ZNF568: variants seen among roughly 807,000 people sequenced by gnomAD.
ZNF568 encodes the protein zinc finger protein 568.
In ZNF568, 11 loss-of-function variants were observed where a neutral mutation model predicts 18.1. That is an observed-to-expected ratio of 0.61 (90% CI 0.38 to 1.00). The LOEUF is 1.00. ZNF568 is among the 50% of genes least tolerant of loss of function. The probability of loss-of-function intolerance (pLI) is 0.01; values close to 1 mark genes in which losing one functional copy is unlikely to be tolerated. For missense variants in ZNF568, 639 were observed against 768.2 expected (o/e 0.83, Z 1.99); for synonymous variants, 213 against 246.6 (o/e 0.86, Z 1.28).
chr19:36,925,693 G>A (rs1264941531), intron 4 of ZNF568, among the ~76,000 whole-genome samples: 1 of 151,926 alleles, frequency 6.6e-6, no homozygotes, highest in Non-Finnish European at 1.5e-5. Flanking sequence ...AAAAAAAATG[G>A]GTGGTTGTAT....
intron 3 of ZNF568, among the ~76,000 whole-genome samples, chr19:36,923,503 A>G (rs1393680643): frequency 6.6e-6 from 1 of 151,782 alleles, no homozygotes; most frequent in Non-Finnish European, 1.5e-5. Context: ...AGACGAAGGA[A>G]GTGAGCATGT....
chr19:36,957,443 G>T (rs187866687), downstream of ZNF568, among the ~76,000 whole-genome samples: 2 of 152,046 alleles, frequency 1.3e-5, no homozygotes, highest in East Asian at 3.9e-4. Flanking sequence ...TGTTGGCCAG[G>T]CTGGTCTTGA....
At position 36,949,096 on chromosome 19, in the gene ZNF568, A is replaced by T. The variant is rs1056558392; in HGVS notation, c.359-416A>T. 5.9e-5 allele frequency among the ~76,000 whole-genome samples: 9 copies of T among 152,014 alleles called. No homozygotes were observed. In the South Asian group the frequency reaches 1.9e-3, roughly 32 times the overall value. ...TTTAACCCTTTATTCCTTCACTATCATTTTAATGGCATTTTAGGAAGGAGG... is the reference window on the plus strand; with the variant it reads ...TTTAACCCTTTATTCCTTCACTATCTTTTTAATGGCATTTTAGGAAGGAGG... On this transcript the variant is annotated intron_variant, in intron 6 of 6. Transcript: ENST00000333987.
intron 7 of ZNF568, among the ~76,000 whole-genome samples, chr19:36,976,906 G>A (rs1009889141): frequency 4.0e-5 from 6 of 151,196 alleles, no homozygotes; most frequent in Non-Finnish European, 7.4e-5. Flanking sequence ...GCAAAACTCC[G>A]TCTAAGAAAA....
Position 36,950,220 on chromosome 19 carries a change from A to T in ZNF568, c.1067A>T (p.His356Leu). The change falls in exon 7 of 7, where the codon CAT (histidine) becomes CTT (leucine). Residue 356 changes from histidine to leucine, a missense_variant. Coordinates refer to ENST00000333987, the MANE Select transcript of ZNF568 (RefSeq NM_198539.4). The part of the protein sequence containing the change: ...KQNLIEHEKI[H>L]TGEKPYACNE... The stretch of plus-strand genomic sequence containing the variant: ...AATCTTATTGAGCACGAGAAAATTC[A>T]TACTGGGGAGAAACCTTATGCATGT... 1 of 1,613,874 alleles carries T rather than the reference A, an allele frequency of 6.2e-7. No individual in the cohort carries two copies. Among genetic ancestry groups the T allele is most frequent in the Non-Finnish European group, 8.5e-7 (1 of 1,179,826 alleles).
downstream of ZNF568, among the ~76,000 whole-genome samples, chr19:36,956,967 G>A (rs2074111674): frequency 6.6e-6 from 1 of 152,044 alleles, no homozygotes; most frequent in Non-Finnish European, 1.5e-5. Context: ...AAATTTTTAT[G>A]AAATTATTTT....
At chr19:36,939,170 T>C (rs1452633399) in intron 6 of ZNF568, among the ~76,000 whole-genome samples, 1 of 152,214 alleles carries the variant, frequency 6.6e-6, no homozygotes, top group Non-Finnish European at 1.5e-5. Context: ...ATACTTCCTC[T>C]AGAACTCAGT....
At chr19:36,996,402 A>G in exon 5 of ZNF568, 1 of 1,536,354 alleles carries the variant, frequency 6.5e-7, no homozygotes, top group Non-Finnish European at 8.7e-7. Flanking sequence ...AGAAGGCCAG[A>G]GTTATCAGAG....
At chr19:36,930,961 C>T (rs1306505597) in intron 4 of ZNF568, among the ~76,000 whole-genome samples, 2 of 152,134 alleles carry the variant, frequency 1.3e-5, no homozygotes, top group Admixed American at 6.5e-5. Context: ...ATGTGTCAGT[C>T]ACATGTCTGT....
intron 4 of ZNF568, among the ~76,000 whole-genome samples, chr19:36,930,460 C>T (rs937090259): frequency 2.6e-5 from 4 of 152,070 alleles, no homozygotes; most frequent in African/African-American, 7.2e-5. Context: ...CCGCCCGCCT[C>T]GGCCTCCCAA....
chr19:36,939,357 G>A (rs978337418), intron 6 of ZNF568, among the ~76,000 whole-genome samples: 1 of 151,980 alleles, frequency 6.6e-6, no homozygotes, highest in Non-Finnish European at 1.5e-5. Context: ...GCCCACAAGG[G>A]GGTGCCTCTG....
chr19:36,983,911 T>TTTTTG (rs1300895800), downstream of ZNF568, among the ~76,000 whole-genome samples: 9 of 144,512 alleles, frequency 6.2e-5, no homozygotes, highest in African/African-American at 2.1e-4. Flanking sequence ...TTTTTTTTTT[T>TTTTTG]TTGTTGAGAC....
chr19:36,980,684 G>A (rs1364235252), downstream of ZNF568, among the ~76,000 whole-genome samples: 1 of 152,186 alleles, frequency 6.6e-6, no homozygotes, highest in African/African-American at 2.4e-5. Context: ...TACCCTCCCA[G>A]TATTGATGTT....
Position 36,918,839 on chromosome 19 carries a change from T to C in ZNF568, c.-186+1191T>C, listed in dbSNP as rs148717067. 7.0e-4 allele frequency among the ~76,000 whole-genome samples: 106 copies of C among 152,316 alleles called. 1 individual carries two copies. In the East Asian group the frequency reaches 0.016, roughly 23 times the overall value. On this transcript the variant is annotated intron_variant, in intron 2 of 6. Transcript: ENST00000333987. ...GGCATCTACCATTCTACTTTCTGTC[T>C]CTGAATTTGACTATTCTAAATACTT...
chr19:36,965,592 T>A (rs1020467391), intron 6 of ZNF568, among the ~76,000 whole-genome samples: 1 of 152,054 alleles, frequency 6.6e-6, no homozygotes, highest in African/African-American at 2.4e-5. Flanking sequence ...TGGAATAGAT[T>A]TTTTTTCTTG....
chr19:36,922,837 G>C lies in ZNF568; in HGVS notation c.67G>C (p.Glu23Gln). ...VTMERLSHMM[E>Q]RKAWCSQESA... is the part of the protein sequence containing the mutation. Reference sequence around the variant, plus strand: ...AATGGAGCGTTTGAGCCACATGATGGAAAGGAAAGGTGAGGTGGCTCATAG... The same window carrying C: ...AATGGAGCGTTTGAGCCACATGATGCAAAGGAAAGGTGAGGTGGCTCATAG... The change falls in exon 3 of 7, where the codon GAA (glutamate) becomes CAA (glutamine). Residue 23 changes from glutamate (E) to glutamine (Q), a missense_variant. Transcript: ENST00000333987. The C allele has an allele frequency of 1.9e-6, 3 of 1,614,002 alleles. No homozygotes were observed. Among genetic ancestry groups the C allele is most frequent in the Non-Finnish European group, 2.5e-6 (3 of 1,179,918 alleles).
chr19:36,930,456 G>T (rs984863043), intron 4 of ZNF568, among the ~76,000 whole-genome samples: 1 of 151,970 alleles, frequency 6.6e-6, no homozygotes, highest in Non-Finnish European at 1.5e-5. Flanking sequence ...TGATCCGCCC[G>T]CCTCGGCCTC....
chr19:36,936,354 T>C (rs2073789815), intron 4 of ZNF568, among the ~76,000 whole-genome samples: 4 of 152,240 alleles, frequency 2.6e-5, no homozygotes, highest in Admixed American at 1.3e-4. Flanking sequence ...ATATGTATTA[T>C]GTTTATTATA....
chr19:36,930,439 G>A (rs1600782120), intron 4 of ZNF568, among the ~76,000 whole-genome samples: 1 of 152,162 alleles, frequency 6.6e-6, no homozygotes. Context: ...TCGATCTCCT[G>A]ACCTCGTGAT....
Sources: gnomAD v4.1 joint callset for allele counts (sites outside exome capture counted in the v4.1 genomes callset) on GRCh38, gnomAD v4.1.1 for gene constraint, MANE v1.5 for transcripts, NCBI Gene and HGNC (gene_info 2026-07-23, HGNC 2026-07-21) for gene names.